DUSP4: variants seen among roughly 807,000 people sequenced by gnomAD.
DUSP4 encodes dual specificity phosphatase 4, also known as dual specificity protein phosphatase 4.
In DUSP4, 12 loss-of-function variants were observed where a neutral mutation model predicts 27.2. The ratio of observed to expected loss-of-function variants is 0.44; its 90% CI spans 0.28 to 0.71. The LOEUF is 0.71. Among genes scored for constraint, DUSP4 ranks in the 30% least tolerant of loss-of-function variants. DUSP4 has a pLI of 0.14. For missense variants in DUSP4, 448 were observed against 551.3 expected (o/e 0.81, Z 1.88); for synonymous variants, 257 against 245.2 (o/e 1.05, Z -0.45).
At position 29,337,447 on chromosome 8, in the gene DUSP4, T is replaced by C. The variant is rs1817595349; in HGVS notation, c.800-36A>G. On this transcript the variant is annotated intron_variant, in intron 3 of 3. Transcript: ENST00000240100. The surrounding 1 kb of genome is among the most constrained non-coding windows in gnomAD (Gnocchi z 6.4). ...GGTTCAATAGGTTAGTGCACGTTTC[T>C]GCAGACCCCAGCCCCGACCAGGGGC... 2 of 1,560,178 alleles carry C rather than the reference T, an allele frequency of 1.3e-6. No individual in the cohort carries two copies. Among genetic ancestry groups the C allele is most frequent in the South Asian group, 2.4e-5 (2 of 83,606 alleles).
intron 1 of DUSP4, among the ~76,000 whole-genome samples, chr8:29,344,153 C>T (rs1271892608): frequency 6.6e-6 from 1 of 152,210 alleles, no homozygotes; most frequent in African/African-American, 2.4e-5. Context: ...GTTTTTCCCA[C>T]TCTCAAAATG....
At chr8:29,342,298 C>T (rs1214634502) in intron 1 of DUSP4, among the ~76,000 whole-genome samples, 2 of 152,256 alleles carry the variant, frequency 1.3e-5, no homozygotes, top group African/African-American at 2.4e-5. Context: ...ATCACCTGTG[C>T]AGCCCGGGCC....
Position 29,349,982 on chromosome 8 carries a change from G to C in DUSP4, c.297C>G (p.Ser99=). 6.4e-7 allele frequency: 1 copy of C among 1,574,440 alleles called. No individual in the cohort carries two copies. Among genetic ancestry groups the C allele is most frequent in the Non-Finnish European group, 8.6e-7 (1 of 1,165,052 alleles). The change falls in exon 1 of 4, where the codon TCC becomes TCG. Residue 99 remains serine, a synonymous_variant. Transcript: ENST00000240100. ...AGACGATGACCGCCGAGTAGAGGCC[G>C]GAGCGCAAGCGGGCGCGTACCTCCT... ...AEEEVRARLR[S]GLYSAVIVYD...
chr8:29,345,553 G>T (rs769739081), intron 1 of DUSP4: 2 of 1,533,404 alleles, frequency 1.3e-6, no homozygotes, highest in South Asian at 2.5e-5. Flanking sequence ...CGTTAGCCAG[G>T]AACTGCCTCC....
chr8:29,337,272 G>C lies in DUSP4; in HGVS notation c.939C>G (p.Arg313=). The C allele has an allele frequency of 6.2e-7, 1 of 1,613,704 alleles. No homozygotes were observed. Among genetic ancestry groups the C allele is most frequent in the South Asian group, 1.1e-5 (1 of 91,072 alleles). The change falls in exon 4 of 4, where the codon CGC becomes CGG. Residue 313 remains arginine (R), a synonymous_variant. Coordinates refer to ENST00000240100, the MANE Select transcript of DUSP4 (RefSeq NM_001394.7). The surrounding 1 kb of genome is among the most constrained non-coding windows in gnomAD (Gnocchi z 6.4). ...LEEAFEFVKQ[R]RSIISPNFSF... is the part of the protein sequence containing the mutation. ...TGAAGTTGGGCGAGATGATGCTGCGGCGCTGCTTAACGAACTCGAAGGCCT... is the reference window on the plus strand; with the variant it reads ...TGAAGTTGGGCGAGATGATGCTGCGCCGCTGCTTAACGAACTCGAAGGCCT...
chr8:29,345,276 C>G, intron 1 of DUSP4: 2 of 1,474,528 alleles, frequency 1.4e-6, no homozygotes, highest in Non-Finnish European at 1.9e-6. Flanking sequence ...AGGCCATTTG[C>G]CTTTGGGAAC....
chr8:29,345,082 C>T (rs1013184671), intron 1 of DUSP4, among the ~76,000 whole-genome samples: 6 of 152,202 alleles, frequency 3.9e-5, no homozygotes, highest in African/African-American at 1.4e-4. Context: ...CTCAGTCTCT[C>T]AAAGTGCTAG....
At chr8:29,342,881 A>T (rs544293403) in intron 1 of DUSP4, among the ~76,000 whole-genome samples, 1 of 152,308 alleles carries the variant, frequency 6.6e-6, no homozygotes, top group South Asian at 2.1e-4. Flanking sequence ...AAAATGAACA[A>T]GGTGAGCTGG....
intron 1 of DUSP4, among the ~76,000 whole-genome samples, chr8:29,343,167 C>CAA (rs3052311): frequency 0.32 from 27,911 of 86,052 alleles, 4,339 homozygotes; most frequent in East Asian, 0.55. Flanking sequence ...GACTCCATCT[C>CAA]AAAAAAAAAA....
At position 29,350,240 on chromosome 8, in the gene DUSP4, A is replaced by G; in HGVS notation, c.39T>C (p.Ser13=). Residue 13 remains serine, a synonymous_variant, in exon 1 of 4, where the codon AGT becomes AGC. Transcript: ENST00000240100. ...TMEELREMDC[S]VLKRLMNRDE... is the part of the protein sequence containing the mutation. ...CCCGGTTCATCAGCCTTTTGAGCAC[A>G]CTGCAGTCCATCTCCCGCAGCTCCT... The G allele has an allele frequency of 2.5e-6, 4 of 1,599,770 alleles. No individual in the cohort carries two copies. The highest frequency in any genetic ancestry group is 3.4e-6 in the Non-Finnish European group (4 of 1,172,204).
rs138056315 is a variant in DUSP4, at chr8:29,337,230, C to T, written c.981G>A (p.Leu327=). The change falls in exon 4 of 4, where the codon CTG becomes CTA. Residue 327 remains leucine (L), a synonymous_variant. Transcript: ENST00000240100. This position sits in a 1 kb window ranked among gnomAD's most constrained non-coding sequence, Gnocchi z 6.4. ...CCAGCACCTGGGACTCGAACTGCAG[C>T]AGCTGCCCCATGAAGCTGAAGTTGG... ...ISPNFSFMGQ[L]LQFESQVLAT... is the part of the protein sequence containing the mutation. The T allele has an allele frequency of 1.4e-4, 221 of 1,613,682 alleles. No homozygotes were observed. Among genetic ancestry groups the T allele is most frequent in the Non-Finnish European group, 1.8e-4 (214 of 1,179,984 alleles).
chr8:29,348,471 C>A (rs1224638343), intron 1 of DUSP4: 1 of 985,486 alleles, frequency 1.0e-6, no homozygotes, highest in Non-Finnish European at 1.2e-6. Flanking sequence ...ACAGCCCTCG[C>A]GGAAAAAGAA....
In DUSP4 at chr8:29,337,486, T is replaced by G; in HGVS notation, c.800-75A>C. ...CCGACCAGGGGCACCGGCCAGCCCCTGGGGTCGGGGGGCTCTGAAGGAAGG... is the reference window on the plus strand; with the variant it reads ...CCGACCAGGGGCACCGGCCAGCCCCGGGGGTCGGGGGGCTCTGAAGGAAGG... On this transcript the variant is annotated intron_variant, in intron 3 of 3. Transcript: ENST00000240100. This position sits in a 1 kb window ranked among gnomAD's most constrained non-coding sequence, Gnocchi z 6.4. 1 of 1,513,494 alleles carries G rather than the reference T, an allele frequency of 6.6e-7. No individual in the cohort carries two copies. Among genetic ancestry groups the G allele is most frequent in the Non-Finnish European group, 8.8e-7 (1 of 1,138,386 alleles). The allele number at this position is 1,513,494 out of a possible 1,614,324, so 93.8% of individuals were successfully genotyped here.
rs1308719922 is a variant in DUSP4, at chr8:29,348,060, AG to A, written c.433+1785del. The A allele has an allele frequency of 4.1e-6, 4 of 985,478 alleles. No homozygotes were observed. The African/African-American group carries it at 7.0e-5, about 17-fold the overall frequency. The allele number at this position is 985,478 out of a possible 1,614,324, so 61.0% of individuals were successfully genotyped here. On this transcript the variant is annotated intron_variant, in intron 1 of 3. Transcript: ENST00000240100. ...GGGCGGTCCCCTCGGGATTTCTTCC[AG>A]GAAGGAAAGCAAAACACAACAAAAC...
chr8:29,346,466 T>C (rs950456226), intron 1 of DUSP4, among the ~76,000 whole-genome samples: 13 of 152,224 alleles, frequency 8.5e-5, no homozygotes, highest in African/African-American at 3.1e-4. Flanking sequence ...TCTTTTTGTC[T>C]TTCTCTAATG....
At position 29,342,145 on chromosome 8, in the gene DUSP4, C is replaced by T. The variant is rs60428519; in HGVS notation, c.434-1902G>A. On this transcript the variant is annotated intron_variant, in intron 1 of 3. Transcript: ENST00000240100. Reference sequence around the variant, plus strand: ...CCCCACGGTCACAGAGCAGAGTGGCCCTCAGGGCTGGAGAAGCAGGAAGAG... The same window carrying T: ...CCCCACGGTCACAGAGCAGAGTGGCTCTCAGGGCTGGAGAAGCAGGAAGAG... Among the ~76,000 whole-genome samples, 1,252 of 152,136 alleles carry T rather than the reference C, an allele frequency of 8.2e-3. 18 individuals carry two copies. The highest frequency in any genetic ancestry group is 0.029 in the African/African-American group (1,193 of 41,504).
intron 1 of DUSP4, chr8:29,348,886 G>C: frequency 2.9e-6 from 2 of 688,990 alleles, no homozygotes; most frequent in Non-Finnish European, 3.6e-6. Flanking sequence ...GCGCAGCGCG[G>C]CGGGGGGCGC....
chr8:29,338,413 G>A lies in DUSP4; in HGVS notation c.668C>T (p.Thr223Met), dbSNP rs779990842. 10 of 1,614,212 alleles carry A rather than the reference G, an allele frequency of 6.2e-6. No homozygotes were observed. The highest frequency in any genetic ancestry group is 8.5e-6 in the Non-Finnish European group (10 of 1,180,040). ...RRDMLDALGI[T>M]ALLNVSSDCP... Reference sequence around the variant, plus strand: ...GTCCGAGGAGACATTCAACAGAGCCGTGATGCCCAGGGCGTCCAGCATGTC... The same window carrying A: ...GTCCGAGGAGACATTCAACAGAGCCATGATGCCCAGGGCGTCCAGCATGTC... Residue 223 changes from threonine to methionine, a missense_variant, in exon 3 of 4, where the codon ACG becomes ATG. Thr to Met is a moderately conservative substitution (Grantham distance 81). This residue lies in a region of DUSP4 where 345 missense variants were observed against 394.0 expected (regional missense o/e 0.88). Transcript: ENST00000240100.
chr8:29,340,634 CCCCTGATTCCAG>C, intron 1 of DUSP4, among the ~76,000 whole-genome samples: 1 of 152,224 alleles, frequency 6.6e-6, no homozygotes, highest in Non-Finnish European at 1.5e-5. Context: ...ACACCTGCCA[CCCCTGATTCCAG>C]CCCTTCCTCA....
Sources: allele counts gnomAD v4.1 joint callset (sites outside exome capture counted in the v4.1 genomes callset), GRCh38; gene constraint gnomAD v4.1.1; regional missense constraint gnomAD v4.1.1; non-coding constraint Gnocchi (gnomAD v3.1); transcripts MANE v1.5; gene names NCBI Gene and HGNC (gene_info 2026-07-23, HGNC 2026-07-21).